The following KANK1 variants were observed in gnomAD, a reference collection of about 807,000 sequenced individuals.
KANK1 encodes KN motif and ankyrin repeat domain-containing protein 1.
In KANK1, 109 loss-of-function variants were observed where a neutral mutation model predicts 106.2. The ratio of observed to expected loss-of-function variants is 1.03; its 90% CI spans 0.88 to 1.20. The LOEUF is 1.20. Among genes scored for constraint, KANK1 ranks in the 50% most tolerant of loss-of-function variants. The probability of loss-of-function intolerance (pLI) is 0.00; values close to 1 mark genes in which losing one functional copy is unlikely to be tolerated. For synonymous variants in KANK1, 873 were observed against 652.2 expected (o/e 1.34, Z -5.16); for missense variants, 2,399 against 1,710.7 (o/e 1.40, Z -7.10).
At chr9:606,178 C>A (rs903039801) in intron 1 of KANK1, among the ~76,000 whole-genome samples, 50 of 142,944 alleles carry the variant, frequency 3.5e-4, no homozygotes, top group African/African-American at 1.2e-3. Flanking sequence ...CACACACACA[C>A]ACACCACTCA....
Position 712,426 on chromosome 9 carries a change from G to C in KANK1, c.1660G>C (p.Glu554Gln). 6.2e-7 allele frequency: 1 copy of C among 1,614,172 alleles called. No homozygotes were observed. Among genetic ancestry groups the C allele is most frequent in the Non-Finnish European group, 8.5e-7 (1 of 1,180,032 alleles). Residue 554 changes from glutamate (E) to glutamine (Q), a missense_variant, in exon 3 of 12, where the codon GAA becomes CAA. Physicochemically the swap from Glu to Gln is conservative, Grantham distance 29. Transcript: ENST00000382297. The part of the protein sequence containing the change: ...TNSVGISCQP[E>Q]CKNKVVGPEL... ...CAGTGTAGGCATCTCCTGCCAGCCT[G>C]AATGTAAGAATAAAGTCGTAGGGCC...
Position 635,089 on chromosome 9 carries a change from G to A in KANK1, c.-83-41801G>A, listed in dbSNP as rs904771325. Among the ~76,000 whole-genome samples, 4 of 152,288 alleles carry A rather than the reference G, an allele frequency of 2.6e-5. No individual in the cohort carries two copies. In the East Asian group the frequency reaches 5.8e-4, roughly 22 times the overall value. On this transcript the variant is annotated intron_variant, in intron 1 of 11. Coordinates refer to ENST00000382297, the MANE Select transcript of KANK1 (RefSeq NM_015158.5). ...CAAACCAATCACAGGTAAAGGGAAT[G>A]CCGTTATTATGGTAACCAGCATGGG...
At chr9:743,468 T>TACTTCTA (rs1379395525) in intron 10 of KANK1, among the ~76,000 whole-genome samples, 1 of 152,248 alleles carries the variant, frequency 6.6e-6, no homozygotes, top group Non-Finnish European at 1.5e-5. Flanking sequence ...TGTTTGATTT[T>TACTTCTA]ACTTCTATTA....
Position 710,904 on chromosome 9 carries a change from C to T in KANK1, c.138C>T (p.Leu46=). The T allele has an allele frequency of 6.2e-7, 1 of 1,614,108 alleles. No individual in the cohort carries two copies. Among genetic ancestry groups the T allele is most frequent in the East Asian group, 2.2e-5 (1 of 44,872 alleles). Residue 46 remains leucine (L), a synonymous_variant, in exon 3 of 12, where the codon CTC becomes CTT. Transcript: ENST00000382297. ...GTTATCAACTAGACTTAGATTTCCT[C>T]AAATATGTGGATGACATACAGAAGG... ...PYGYQLDLDF[L]KYVDDIQKGN... is the part of the protein sequence containing the mutation.
At chr9:691,611 A>ATTTTTTTTT (rs767618077) in intron 2 of KANK1, among the ~76,000 whole-genome samples, 2,778 of 70,656 alleles carry the variant, frequency 0.039, 168 homozygotes, top group African/African-American at 0.078. Flanking sequence ...TAATACCAGA[A>ATTTTTTTTT]TTTTTTTTTT....
intron 2 of KANK1, 70 bp from the exon 3 acceptor site, chr9:710,734 A>C: frequency 2.1e-6 from 3 of 1,436,170 alleles, no homozygotes; most frequent in Non-Finnish European, 2.8e-6. Context: ...TACTGCAACA[A>C]ACACAAATAT....
chr9:673,120 C>T (rs1268851034), intron 1 of KANK1, among the ~76,000 whole-genome samples: 1 of 151,364 alleles, frequency 6.6e-6, no homozygotes, highest in Non-Finnish European at 1.5e-5. Context: ...TGAATAATAA[C>T]TGAGAAAAAT....
At chr9:637,077 G>A (rs949900412) in intron 1 of KANK1, among the ~76,000 whole-genome samples, 4 of 152,032 alleles carry the variant, frequency 2.6e-5, no homozygotes, top group African/African-American at 9.7e-5. Flanking sequence ...TTTTTTGACA[G>A]TTTCTACTTT....
At chr9:476,900 A>G (rs2058114347) in intron 3 of KANK1, 1 of 152,224 alleles carries the variant, frequency 6.6e-6, no homozygotes, top group Admixed American at 6.5e-5. Flanking sequence ...AGCAAACAAG[A>G]CACAAATGAG....
At chr9:710,653 C>G in intron 2 of KANK1, 151 bp from the exon 3 acceptor site, 1 of 341,726 alleles carries the variant, frequency 2.9e-6, no homozygotes, top group Non-Finnish European at 5.2e-6. Context: ...AAAAAACTTG[C>G]TTACCCAGCT....
rs749299248 is a variant in KANK1, at chr9:710,842, G to C, written c.76G>C (p.Glu26Gln). 6.2e-7 allele frequency: 1 copy of C among 1,610,918 alleles called. No homozygotes were observed. The highest frequency in any genetic ancestry group is 8.5e-7 in the Non-Finnish European group (1 of 1,178,816). The part of the protein sequence containing the change: ...GDILSGDQDK[E>Q]QKDPYFVETP... Reference sequence around the variant, plus strand: ...TATTCTCAGTGGAGACCAGGACAAGGAACAGAAAGACCCTTACTTTGTGGA... The same window carrying C: ...TATTCTCAGTGGAGACCAGGACAAGCAACAGAAAGACCCTTACTTTGTGGA... Residue 26 changes from glutamate to glutamine, a missense_variant, in exon 3 of 12, where the codon GAA becomes CAA. By Grantham distance (29) the Glu-to-Gln change is conservative. Transcript: ENST00000382297.
At chr9:598,006 T>C (rs143389312) in intron 1 of KANK1, among the ~76,000 whole-genome samples, 9 of 151,904 alleles carry the variant, frequency 5.9e-5, no homozygotes, top group East Asian at 3.9e-4. Context: ...TTATTTTTTA[T>C]ACTTAGGTTG....
At chr9:561,454 C>G (rs1045809781) in intron 1 of KANK1, among the ~76,000 whole-genome samples, 7 of 152,156 alleles carry the variant, frequency 4.6e-5, no homozygotes, top group Admixed American at 3.9e-4. Flanking sequence ...TTTCCAATTT[C>G]TTAGTATAAA....
rs1274705506 is a variant in KANK1, at chr9:745,389, C to CAGAG, written c.*156_*159dup. 7 of 888,236 alleles carry CAGAG rather than the reference C, an allele frequency of 7.9e-6. No individual in the cohort carries two copies. In the East Asian group the frequency reaches 1.3e-4, roughly 17 times the overall value. 55.0% of individuals were successfully genotyped at this position (888,236 alleles called of 1,614,324 possible). A position where few individuals can be genotyped will look rare whatever the true frequency, so the allele number is the denominator to read the frequency against. ...GGTAAAGGCTGAAGCTTTCACAGTG[C>CAGAG]AGAGACTGCTAGCCTGGGCACACAC... On this transcript the variant is annotated 3_prime_UTR_variant, in exon 12 of 12. Coordinates refer to ENST00000382297, the MANE Select transcript of KANK1 (RefSeq NM_015158.5).
chr9:576,041 T>C (rs1820473288), intron 1 of KANK1, among the ~76,000 whole-genome samples: 1 of 152,100 alleles, frequency 6.6e-6, no homozygotes, highest in Non-Finnish European at 1.5e-5. Flanking sequence ...AAACAATAAG[T>C]TTAATGAATG....
At chr9:548,152 GAAAAT>G (rs1004655371) in intron 1 of KANK1, among the ~76,000 whole-genome samples, 1 of 152,116 alleles carries the variant, frequency 6.6e-6, no homozygotes, top group African/African-American at 2.4e-5. Context: ...GATTTCTAGA[GAAAAT>G]AATATGTATT....
chr9:534,192 T>C (rs1250556065), intron 1 of KANK1, among the ~76,000 whole-genome samples: 1 of 152,212 alleles, frequency 6.6e-6, no homozygotes, highest in Non-Finnish European at 1.5e-5. Context: ...AGAATGAGCC[T>C]TTAGACTGAC....
At chr9:592,080 A>G (rs1305975785) in intron 1 of KANK1, among the ~76,000 whole-genome samples, 1 of 151,794 alleles carries the variant, frequency 6.6e-6, no homozygotes, top group Non-Finnish European at 1.5e-5. Context: ...AACATGTGGT[A>G]TTTGTAGGAG....
intron 1 of KANK1, among the ~76,000 whole-genome samples, chr9:647,999 CTTT>C (rs59053892): frequency 5.9e-5 from 7 of 118,318 alleles, no homozygotes; most frequent in Non-Finnish European, 5.0e-5. Context: ...GGGTTGTTAT[CTTT>C]TTTTTTTTTT....
Sources: gnomAD v4.1 joint callset for allele counts (sites outside exome capture counted in the v4.1 genomes callset) on GRCh38, gnomAD v4.1.1 for gene constraint, MANE v1.5 for transcripts, NCBI Gene and HGNC (gene_info 2026-07-23, HGNC 2026-07-21) for gene names.